NCOA4: variants seen among roughly 807,000 people sequenced by gnomAD.
The protein encoded by NCOA4 is nuclear receptor coactivator 4.
NCOA4 carries 31 observed loss-of-function variants against 69.5 expected under a neutral mutation model. The ratio of observed to expected loss-of-function variants is 0.45; its 90% CI spans 0.34 to 0.60. The LOEUF (loss-of-function observed/expected upper bound fraction) is 0.60, where lower values mean the gene tolerates loss of function less well. Among genes scored for constraint, NCOA4 ranks in the 20% least tolerant of loss-of-function variants. NCOA4 has a pLI of 0.02. For missense variants in NCOA4, 600 were observed against 719.2 expected (o/e 0.83, Z 1.90); for synonymous variants, 228 against 252.4 (o/e 0.90, Z 0.92).
At chr10:46,012,809 A>C in intron 7 of NCOA4, 74 bp downstream of exon 7, 1 of 1,475,282 alleles carries the variant, frequency 6.8e-7, no homozygotes, top group Non-Finnish European at 9.1e-7. Context: ...ACAATGACAC[A>C]TAGTACTACT....
chr10:46,027,652 C>T (rs1590183957), intron 1 of NCOA4: 1 of 629,520 alleles, frequency 1.6e-6, no homozygotes, highest in Non-Finnish European at 2.7e-6. Context: ...CTGAACTTAA[C>T]CCAATGCATA....
chr10:46,014,642 T>G (rs1839430996), intron 4 of NCOA4, 90 bp from the exon 5 acceptor site: 1 of 967,086 alleles, frequency 1.0e-6, no homozygotes, highest in African/African-American at 1.6e-5. Context: ...TGAGTAATTT[T>G]AAATGATTAC....
Position 46,011,190 on chromosome 10 carries a change from C to T in NCOA4, c.731G>A (p.Cys244Tyr). The change falls in exon 8 of 10, where the codon TGC becomes TAC. Residue 244 changes from cysteine to tyrosine, a missense_variant. Cys to Tyr is a radical substitution (Grantham distance 194, BLOSUM62 -2). Transcript: ENST00000581486. ...TCCCCCGACATTATTGAAGAAATTG[C>T]AGGCTCTGGAAGAAGTCTACACAAA... Reference protein sequence around the residue: ...LENSQTSSRACNFFNNVGGNL... With the variant: ...LENSQTSSRAYNFFNNVGGNL... 2 of 1,593,320 alleles carry T rather than the reference C, an allele frequency of 1.3e-6. No homozygotes were observed. Among genetic ancestry groups the T allele is most frequent in the African/African-American group, 2.7e-5 (2 of 73,662 alleles).
intron 1 of NCOA4, among the ~76,000 whole-genome samples, chr10:46,016,958 G>T (rs1359853855): frequency 1.3e-5 from 2 of 152,120 alleles, no homozygotes; most frequent in Non-Finnish European, 2.9e-5. Flanking sequence ...TACACTAATT[G>T]TCCTGAATCA....
chr10:46,024,501 T>C (rs1840056749), intron 1 of NCOA4, among the ~76,000 whole-genome samples: 1 of 152,234 alleles, frequency 6.6e-6, no homozygotes, highest in Non-Finnish European at 1.5e-5. Context: ...CCTATGTATA[T>C]GTTCACTGAG....
chr10:46,009,522 C>T lies in NCOA4; in HGVS notation c.1728G>A (p.Glu576=). ...AATGGTCTGGGGGGAAGTTATGTTC[C>T]TCCTGTAGAGGTGAATTAAGTAATA... ...QEVLLNSPLQ[E]EHNFPPDHYG... Residue 576 remains glutamate, a synonymous_variant, in exon 9 of 10, where the codon GAG becomes GAA. Transcript: ENST00000581486. 6.2e-7 allele frequency: 1 copy of T among 1,610,614 alleles called. No homozygotes were observed. Among genetic ancestry groups the T allele is most frequent in the Non-Finnish European group, 8.5e-7 (1 of 1,179,136 alleles).
chr10:46,027,291 AT>A, intron 1 of NCOA4: 1 of 686,288 alleles, frequency 1.5e-6, no homozygotes, highest in Non-Finnish European at 2.2e-6. Flanking sequence ...AAAAAAAAGA[AT>A]GATTAAGACT....
At chr10:46,024,155 C>A (rs1389623905) in intron 1 of NCOA4, among the ~76,000 whole-genome samples, 1 of 152,072 alleles carries the variant, frequency 6.6e-6, no homozygotes, top group Non-Finnish European at 1.5e-5. Context: ...CATTCATTAT[C>A]AAAAATAAGA....
At chr10:46,019,374 T>TG in intron 1 of NCOA4, 1 of 985,456 alleles carries the variant, frequency 1.0e-6, no homozygotes, top group Non-Finnish European at 1.2e-6. Context: ...TGGAGCGTGA[T>TG]GGGCTGCTTC....
At chr10:46,008,817 C>CA (rs750902870) in intron 9 of NCOA4, among the ~76,000 whole-genome samples, 34 of 152,186 alleles carry the variant, frequency 2.2e-4, no homozygotes, top group Non-Finnish European at 3.2e-4. Context: ...AAGAAACTGA[C>CA]AGAGCCATCC....
intron 9 of NCOA4, chr10:46,009,141 A>G: frequency 2.6e-6 from 4 of 1,548,508 alleles, no homozygotes; most frequent in Non-Finnish European, 3.5e-6. Flanking sequence ...GTAGGTATAT[A>G]AACTACTAGA....
chr10:46,023,206 C>G, intron 1 of NCOA4: 1 of 928,420 alleles, frequency 1.1e-6, no homozygotes, highest in Non-Finnish European at 1.3e-6. Flanking sequence ...TGCCCTCGCC[C>G]CGGTCGCCGA....
At chr10:46,006,847 C>T (rs370516856) in intron 9 of NCOA4, among the ~76,000 whole-genome samples, 7 of 152,302 alleles carry the variant, frequency 4.6e-5, no homozygotes, top group East Asian at 3.9e-4. Flanking sequence ...CTCCCTGTTC[C>T]CTGAGACAAA....
intron 1 of NCOA4, chr10:46,019,232 T>G: frequency 2.7e-6 from 2 of 739,596 alleles, no homozygotes; most frequent in Non-Finnish European, 3.3e-6. Flanking sequence ...GTGGTTACTT[T>G]GCAGCCTCCT....
At chr10:46,021,735 G>A (rs965229734) in intron 1 of NCOA4, among the ~76,000 whole-genome samples, 13 of 152,118 alleles carry the variant, frequency 8.5e-5, no homozygotes, top group Admixed American at 2.0e-4. Flanking sequence ...CAAGGTGGGC[G>A]GATCACCTGA....
At chr10:46,022,369 T>C (rs572751030) in intron 1 of NCOA4, 1 of 446,770 alleles carries the variant, frequency 2.2e-6, no homozygotes, top group South Asian at 1.7e-5. Context: ...GCTTTTAGTT[T>C]AAAAAAATTA....
At chr10:46,007,400 T>A (rs1426207362) in intron 9 of NCOA4, among the ~76,000 whole-genome samples, 3 of 152,094 alleles carry the variant, frequency 2.0e-5, no homozygotes, top group African/African-American at 7.2e-5. Context: ...TAGCAAGTTA[T>A]CCAGAATATC....
rs1554921432 is a variant in NCOA4 at position 46,011,167 on chromosome 10, C to T, written c.754G>A (p.Gly252Arg). ...CAGTTTTCTAAGCCCTTTAGGTTTC[C>T]CCCGACATTATTGAAGAAATTGCAG... is the stretch of plus-strand genomic sequence containing the variant. ...RACNFFNNVGGNLKGLENWLL... is the reference protein window; with the variant it reads ...RACNFFNNVGRNLKGLENWLL... Residue 252 changes from glycine to arginine, a missense_variant, in exon 8 of 10, where the codon GGA (glycine) becomes AGA (arginine). Coordinates refer to ENST00000581486, the MANE Select transcript of NCOA4 (RefSeq NM_001145263.2). 5.0e-6 allele frequency: 8 copies of T among 1,601,672 alleles called. No homozygotes were observed. The highest frequency in any genetic ancestry group is 3.4e-4 in the Middle Eastern group (2 of 5,962).
rs184130961 is a variant in NCOA4, at chr10:46,011,326, G to A, written c.715-120C>T. 9.9e-4 allele frequency: 967 copies of A among 981,220 alleles called. 3 individuals carry two copies. Among genetic ancestry groups the A allele is most frequent in the Middle Eastern group, 1.6e-3 (5 of 3,202 alleles). 60.8% of individuals were successfully genotyped at this position (981,220 alleles called of 1,614,324 possible). On this transcript the variant is annotated intron_variant, in intron 7 of 9. Coordinates refer to ENST00000581486, the MANE Select transcript of NCOA4 (RefSeq NM_001145263.2). ...TCTGTCGCCCAGGCTGGAGTGCGGT[G>A]GCACAATCTCAGCTCACTGCAAGCT... is the stretch of plus-strand genomic sequence containing the variant.
Sources: gnomAD v4.1 joint callset for allele counts (sites outside exome capture counted in the v4.1 genomes callset) on GRCh38, gnomAD v4.1.1 for gene constraint, MANE v1.5 for transcripts, NCBI Gene and HGNC (gene_info 2026-07-23, HGNC 2026-07-21) for gene names.